ZNF516: variants seen among roughly 807,000 people sequenced by gnomAD.
ZNF516 encodes zinc finger protein 516.
In ZNF516, 19 loss-of-function variants were observed where a neutral mutation model predicts 79.7. That is an observed-to-expected ratio of 0.24 (90% CI 0.17 to 0.35). The LOEUF (loss-of-function observed/expected upper bound fraction) is 0.35. Ranked by LOEUF, ZNF516 falls within the 10% of genes least tolerant of loss-of-function variation. ZNF516 has a pLI of 1.00. For missense variants in ZNF516, 1,678 were observed against 1,679.5 expected (o/e 1.00, Z 0.02); for synonymous variants, 877 against 739.5 (o/e 1.19, Z -3.02).
At chr18:76,463,742 C>T (rs538091308) in intron 1 of ZNF516, among the ~76,000 whole-genome samples, 85 of 152,220 alleles carry the variant, frequency 5.6e-4, no homozygotes, top group Non-Finnish European at 9.3e-4. Context: ...CCTGGGACCA[C>T]GGAATCCCCA....
At chr18:76,410,683 AAAG>A (rs2075363725) in intron 3 of ZNF516, among the ~76,000 whole-genome samples, 1 of 152,254 alleles carries the variant, frequency 6.6e-6, no homozygotes, top group Admixed American at 6.5e-5. Flanking sequence ...TTTGGGAATC[AAAG>A]AAAATAAACC....
chr18:76,442,503 C>T lies in ZNF516; in HGVS notation c.552G>A (p.Glu184=), dbSNP rs771430450. The T allele has an allele frequency of 6.2e-7, 1 of 1,601,856 alleles. No individual in the cohort carries two copies. The highest frequency in any genetic ancestry group is 1.1e-5 in the South Asian group (1 of 91,086). Residue 184 remains glutamate (E), a synonymous_variant, in exon 3 of 7, where the codon GAG becomes GAA. Transcript: ENST00000443185. ...VQCSFCKSQF[E]RKKDLELHVH... is the part of the protein sequence containing the mutation. The stretch of plus-strand genomic sequence containing the variant: ...CGTGCAGCTCCAGGTCCTTCTTACG[C>T]TCGAACTGGCTCTTGCAGAAGGAGC...
At chr18:76,383,838 G>A (rs991215490) in intron 3 of ZNF516, among the ~76,000 whole-genome samples, 3 of 152,210 alleles carry the variant, frequency 2.0e-5, no homozygotes, top group East Asian at 1.9e-4. Flanking sequence ...AGACGGCTTC[G>A]CCCCTCGTCC....
At chr18:76,495,652 C>T, upstream of ZNF516, 2 of 1,053,156 alleles carry the variant, frequency 1.9e-6, no homozygotes, top group South Asian at 3.1e-5. Context: ...GCAGCCCCGG[C>T]TCCCGGAGGC....
In ZNF516 at chr18:76,464,655, T is replaced by C. The variant is rs549598031; in HGVS notation, c.-271-1514A>G. Among the ~76,000 whole-genome samples the C allele has an allele frequency of 5.8e-3, 823 of 140,954 alleles. 5 individuals are homozygous for C. The highest frequency in any genetic ancestry group is 9.3e-3 in the Admixed American group (133 of 14,244). The allele number at this position is 140,954 out of a possible 152,430, so 92.5% of individuals were successfully genotyped here. A position where few individuals can be genotyped will look rare whatever the true frequency, so the allele number is the denominator to read the frequency against. On this transcript the variant is annotated intron_variant, in intron 1 of 6. Transcript: ENST00000443185. The stretch of plus-strand genomic sequence containing the variant: ...GGCCTCTCTGGCACCCCCAGCCTTG[T>C]CATTTCAGACGGGGACAGTGGCCTC...
intron 2 of ZNF516, among the ~76,000 whole-genome samples, chr18:76,452,389 G>GC (rs1354437119): frequency 2.1e-4 from 32 of 152,314 alleles, no homozygotes; most frequent in Non-Finnish European, 1.8e-4. Context: ...ATAAATCAAA[G>GC]CAAGTGCCAG....
intron 3 of ZNF516, among the ~76,000 whole-genome samples, chr18:76,421,463 C>T (rs1010006181): frequency 2.0e-5 from 3 of 152,218 alleles, no homozygotes; most frequent in Non-Finnish European, 4.4e-5. Flanking sequence ...GACTTTGTCT[C>T]AGAGCTGGAA....
At chr18:76,483,837 G>T (rs1466105386) in intron 1 of ZNF516, among the ~76,000 whole-genome samples, 2 of 152,212 alleles carry the variant, frequency 1.3e-5, no homozygotes, top group African/African-American at 4.8e-5. Context: ...GCAGATAGCT[G>T]CCTGGTCTTT....
At chr18:76,378,669 A>T (rs1480789499) in intron 4 of ZNF516, among the ~76,000 whole-genome samples, 186 bp downstream of exon 4, 2 of 152,144 alleles carry the variant, frequency 1.3e-5, no homozygotes, top group Admixed American at 1.3e-4. Flanking sequence ...AGCCTGGGAG[A>T]GCTGTTCCCA....
At chr18:76,414,446 A>G (rs1473325611) in intron 3 of ZNF516, among the ~76,000 whole-genome samples, 1 of 152,210 alleles carries the variant, frequency 6.6e-6, no homozygotes, top group Non-Finnish European at 1.5e-5. Context: ...GCCCTCTGTC[A>G]CTATGTATAC....
At chr18:76,362,990 AT>A (rs1224813685) in intron 6 of ZNF516, among the ~76,000 whole-genome samples, 3 of 152,236 alleles carry the variant, frequency 2.0e-5, no homozygotes, top group African/African-American at 7.2e-5. Flanking sequence ...ACAAGGCTGA[AT>A]TTGGGGGTCA....
At chr18:76,399,049 G>A (rs899779698) in intron 3 of ZNF516, among the ~76,000 whole-genome samples, 21 of 152,218 alleles carry the variant, frequency 1.4e-4, no homozygotes, top group Admixed American at 3.9e-4. Flanking sequence ...GGATTTCCCC[G>A]AGGCATCCTG....
At chr18:76,371,642 C>T (rs184318585) in intron 4 of ZNF516, 71 bp from the exon 5 acceptor site, 279 of 1,284,866 alleles carry the variant, frequency 2.2e-4, no homozygotes, top group Non-Finnish European at 2.9e-4. Flanking sequence ...GGCAGGAGAG[C>T]GAGGGGGAAG....
chr18:76,412,931 C>CCCGG (rs1469406553), intron 3 of ZNF516, among the ~76,000 whole-genome samples: 3 of 152,226 alleles, frequency 2.0e-5, no homozygotes, highest in African/African-American at 7.2e-5. Context: ...CCATAACCTA[C>CCCGG]CCGGAACCTA....
chr18:76,381,619 G>A (rs754014464), intron 3 of ZNF516, among the ~76,000 whole-genome samples: 11 of 152,192 alleles, frequency 7.2e-5, no homozygotes, highest in East Asian at 5.8e-4. Flanking sequence ...GTGAGACAGC[G>A]CCTGTCACTG....
At chr18:76,476,268 A>C (rs1478492102) in intron 1 of ZNF516, among the ~76,000 whole-genome samples, 1 of 152,200 alleles carries the variant, frequency 6.6e-6, no homozygotes, top group Non-Finnish European at 1.5e-5. Flanking sequence ...AAAGGTGCTA[A>C]ATGTTCACAC....
rs373210265 is a variant in ZNF516 at position 76,369,828 on chromosome 18, T to C, written c.3432+700A>G. 6.6e-5 allele frequency among the ~76,000 whole-genome samples: 10 copies of C among 152,264 alleles called. No homozygotes were observed. The South Asian group carries it at 1.9e-3, about 28-fold the overall frequency. ...ATGCTTGTGCAACACAGGTGTGACG[T>C]CCTCCAGGAGGGCAAAATGGGAGAG... On this transcript the variant is annotated intron_variant, in intron 6 of 6. Transcript: ENST00000443185.
At chr18:76,412,433 G>A (rs926615495) in intron 3 of ZNF516, among the ~76,000 whole-genome samples, 2 of 152,120 alleles carry the variant, frequency 1.3e-5, no homozygotes, top group African/African-American at 2.4e-5. Context: ...TCTTAGCTTA[G>A]TCCTACTGCA....
chr18:76,397,658 T>C (rs1354001035), intron 3 of ZNF516, among the ~76,000 whole-genome samples: 2 of 152,214 alleles, frequency 1.3e-5, no homozygotes, highest in Middle Eastern at 3.2e-3. Flanking sequence ...AGTGCACTGG[T>C]GCAATCACAG....
Sources: gnomAD v4.1 joint callset for allele counts (sites outside exome capture counted in the v4.1 genomes callset) on GRCh38, gnomAD v4.1.1 for gene constraint, MANE v1.5 for transcripts, NCBI Gene and HGNC (gene_info 2026-07-23, HGNC 2026-07-21) for gene names.